Variants in SOS1 observed in about 807,000 individuals in gnomAD.
SOS1 encodes SOS Ras/Rac guanine nucleotide exchange factor 1.
In SOS1, 25 loss-of-function variants were observed where a neutral mutation model predicts 157.6. The ratio of observed to expected loss-of-function variants is 0.16; its 90% CI spans 0.12 to 0.22. SOS1 has a LOEUF of 0.22. Ranked by LOEUF, SOS1 falls within the 10% of genes least tolerant of loss-of-function variation. The pLI is 1.00. For missense variants in SOS1, 1,237 were observed against 1,599.1 expected (o/e 0.77, Z 3.86); for synonymous variants, 528 against 534.0 (o/e 0.99, Z 0.16).
intron 17 of SOS1, among the ~76,000 whole-genome samples, chr2:39,002,723 A>G (rs2124491457): frequency 6.6e-6 from 1 of 152,204 alleles, no homozygotes; most frequent in South Asian, 2.1e-4. Flanking sequence ...AGGCTTTAAT[A>G]TTTTTCCAGG....
chr2:38,987,284 A>T (rs558763923), intron 22 of SOS1, among the ~76,000 whole-genome samples, 189 bp downstream of exon 22: 1 of 152,174 alleles, frequency 6.6e-6, no homozygotes, highest in African/African-American at 2.4e-5. Context: ...TTGAATGCAT[A>T]CCAAAAAACT....
chr2:39,056,469 C>T (rs571090055), intron 4 of SOS1, among the ~76,000 whole-genome samples: 2 of 151,978 alleles, frequency 1.3e-5, no homozygotes, highest in Non-Finnish European at 2.9e-5. Context: ...CTCTAATTAA[C>T]CCTAGTTGCA....
At position 39,012,210 on chromosome 2, in the gene SOS1, C is replaced by T; in HGVS notation, c.2306G>A (p.Gly769Glu). 6.2e-7 allele frequency: 1 copy of T among 1,613,598 alleles called. No homozygotes were observed. The highest frequency in any genetic ancestry group is 8.5e-7 in the Non-Finnish European group (1 of 1,179,750). The change falls in exon 14 of 23, where the codon GGG (glycine) becomes GAG (glutamate). Residue 769 changes from glycine (G) to glutamate (E), a missense_variant. By Grantham distance (98) the Gly-to-Glu change is moderately conservative. Around this residue, in one of 15 missense-constraint regions of SOS1, gnomAD observed 39 missense variants for 40.5 expected, o/e 0.96. Transcript: ENST00000402219. ...PTVEWHISRP[G>E]HIETFDLLTL... is the part of the protein sequence containing the mutation. ...GAGCAGGTCAAAAGTCTCTATGTGC[C>T]CAGGTCTGCTTATATGCCACTCAAC...
chr2:39,010,777 G>C (rs976494504), intron 14 of SOS1, 74 bp from the exon 15 acceptor site: 1 of 1,260,712 alleles, frequency 7.9e-7, no homozygotes, highest in Non-Finnish European at 1.1e-6. Flanking sequence ...AAGTAAAGGA[G>C]ACAAATAAAA....
chr2:39,045,675 C>A (rs1245730076), intron 6 of SOS1, among the ~76,000 whole-genome samples: 2 of 152,210 alleles, frequency 1.3e-5, no homozygotes, highest in African/African-American at 4.8e-5. Flanking sequence ...TTAAGAAAAT[C>A]TTTTATAAGC....
At chr2:39,086,893 AC>A (rs1214091329) in intron 1 of SOS1, among the ~76,000 whole-genome samples, 1 of 152,008 alleles carries the variant, frequency 6.6e-6, no homozygotes, top group Non-Finnish European at 1.5e-5. Flanking sequence ...GCTCACTGCA[AC>A]CTCTGCCTCC....
chr2:39,110,254 A>T (rs2148223011), intron 1 of SOS1, among the ~76,000 whole-genome samples: 1 of 152,242 alleles, frequency 6.6e-6, no homozygotes, highest in African/African-American at 2.4e-5. Flanking sequence ...GATTACTAAT[A>T]ATAACTAATA....
chr2:39,102,802 G>C (rs902565807), intron 1 of SOS1, among the ~76,000 whole-genome samples: 2 of 152,004 alleles, frequency 1.3e-5, no homozygotes, highest in Admixed American at 6.6e-5. Context: ...AAATTAGCCA[G>C]TGTGATGTGT....
chr2:39,119,118 C>A (rs1216436539), intron 1 of SOS1, among the ~76,000 whole-genome samples: 1 of 152,124 alleles, frequency 6.6e-6, no homozygotes, highest in Non-Finnish European at 1.5e-5. Flanking sequence ...GTCAAACTTG[C>A]AAGTAAAGCA....
In SOS1 at chr2:38,985,618, C is replaced by T. The variant is rs773796667; in HGVS notation, c.*206G>A. The T allele has an allele frequency of 1.0e-5, 6 of 592,408 alleles. No homozygotes were observed. The highest frequency in any genetic ancestry group is 1.9e-5 in the South Asian group (1 of 51,584). The allele number at this position is 592,408 out of a possible 1,614,324, so 36.7% of individuals were successfully genotyped here. On this transcript the variant is annotated 3_prime_UTR_variant, in exon 23 of 23. Transcript: ENST00000402219. ...AATCAGTTGTCCAATTCCTCTAGGT[C>T]GGTCTTTCCATATTCTAAACTGGAA...
At chr2:39,016,684 CTG>C (rs1409652506) in intron 10 of SOS1, among the ~76,000 whole-genome samples, 1 of 152,042 alleles carries the variant, frequency 6.6e-6, no homozygotes, top group Admixed American at 6.6e-5. Flanking sequence ...CATCCTTGAC[CTG>C]TGTTCCAAAT....
chr2:39,106,884 G>A (rs948296526), intron 1 of SOS1, among the ~76,000 whole-genome samples: 3 of 152,168 alleles, frequency 2.0e-5, no homozygotes, highest in Non-Finnish European at 2.9e-5. Context: ...AGTTCATAGA[G>A]TAAAAATTTG....
intron 1 of SOS1, among the ~76,000 whole-genome samples, chr2:39,115,581 A>AT (rs201500709): frequency 1.8e-4 from 28 of 151,484 alleles, no homozygotes; most frequent in African/African-American, 3.4e-4. Context: ...CACCTGGCTA[A>AT]TTTTTTTAAA....
At position 39,119,309 on chromosome 2, in the gene SOS1, A is replaced by C. The variant is rs1246754316; in HGVS notation, c.87+1027T>G. Among the ~76,000 whole-genome samples the C allele has an allele frequency of 2.0e-5, 3 of 152,230 alleles. 1 individual carries two copies. The highest frequency in any genetic ancestry group is 4.1e-4 in the South Asian group (2 of 4,836). On this transcript the variant is annotated intron_variant, in intron 1 of 22. Transcript: ENST00000402219. ...ATGAGCAAATTCTCCTGAAAAACCA[A>C]ATAGTTTCCACTGTAAGACAGCAAG...
upstream of SOS1, among the ~76,000 whole-genome samples, chr2:39,123,122 A>G (rs571708889): frequency 1.3e-5 from 2 of 152,132 alleles, no homozygotes; most frequent in African/African-American, 4.8e-5. Flanking sequence ...CCTAAAGAAC[A>G]TTGTTCTTCT....
chr2:39,040,227 C>T (rs559794616), intron 6 of SOS1, among the ~76,000 whole-genome samples: 1 of 152,086 alleles, frequency 6.6e-6, no homozygotes, highest in East Asian at 1.9e-4. Context: ...CCGTGTTAGC[C>T]AGGATGGTCT....
chr2:39,049,517 CT>C, intron 6 of SOS1, among the ~76,000 whole-genome samples: 1 of 152,220 alleles, frequency 6.6e-6, no homozygotes, highest in South Asian at 2.1e-4. Context: ...TTCTTTTAAA[CT>C]TTTTGTATGT....
chr2:39,064,742 A>ATTTTTTTTTTTTTTTTTTTTTTT (rs4015841), intron 2 of SOS1, among the ~76,000 whole-genome samples: 1 of 74,816 alleles, frequency 1.3e-5, no homozygotes, highest in Non-Finnish European at 2.3e-5. Context: ...TTTAAAATAC[A>ATTTTTTTTTTTTTTTTTTTTTTT]TTTTTTTTTT....
Position 39,058,748 on chromosome 2 carries a change from G to C in SOS1, c.270C>G (p.Ala90=), listed in dbSNP as rs1671300212. The part of the protein sequence containing the change: ...HPIDKWAIAD[A]QSAIEKRKRR... ...GCTTCCTCTTTTCAATAGCTGATTG[G>C]GCATCAGCTATTGCCCATTTATCAA... The change falls in exon 3 of 23, where the codon GCC becomes GCG. Residue 90 remains alanine (A), a synonymous_variant. Coordinates refer to ENST00000402219, the MANE Select transcript of SOS1 (RefSeq NM_005633.4). 1.2e-6 allele frequency: 2 copies of C among 1,606,670 alleles called. No individual in the cohort carries two copies. Among genetic ancestry groups the C allele is most frequent in the South Asian group, 2.2e-5 (2 of 90,878 alleles).
Sources: allele counts gnomAD v4.1 joint callset (sites outside exome capture counted in the v4.1 genomes callset), GRCh38; gene constraint gnomAD v4.1.1; regional missense constraint gnomAD v4.1.1; transcripts MANE v1.5; gene names NCBI Gene and HGNC (gene_info 2026-07-23, HGNC 2026-07-21).